SPATA16: variants seen among roughly 807,000 people sequenced by gnomAD.
SPATA16 encodes the protein spermatogenesis-associated protein 16.
In SPATA16, 36 loss-of-function variants were observed where a neutral mutation model predicts 63.3. That is an observed-to-expected ratio of 0.57 (90% CI 0.44 to 0.75). The LOEUF is 0.75. Ranked by LOEUF, SPATA16 falls within the 30% of genes least tolerant of loss-of-function variation. SPATA16 has a pLI of 0.00. For missense variants in SPATA16, 646 were observed against 679.3 expected, an observed-to-expected ratio of 0.95 and a Z score of 0.54; for synonymous variants, 203 against 216.7, an observed-to-expected ratio of 0.94 and a Z score of 0.56.
intron 6 of SPATA16, among the ~76,000 whole-genome samples, chr3:172,935,953 A>T (rs1373561344): frequency 1.3e-5 from 2 of 152,208 alleles, no homozygotes; most frequent in Non-Finnish European, 2.9e-5. Context: ...ATAACCCTAG[A>T]CTGCACAGGA....
At chr3:173,084,201 A>G (rs566045371) in intron 2 of SPATA16, among the ~76,000 whole-genome samples, 2 of 152,224 alleles carry the variant, frequency 1.3e-5, no homozygotes, top group East Asian at 3.9e-4. Context: ...TTAACTTTTT[A>G]ATAATTGTCA....
rs369095835 is a variant in SPATA16, at chr3:172,910,911, A to G, written c.1587+2750T>C. On this transcript the variant is annotated intron_variant, in intron 10 of 10. Coordinates refer to ENST00000351008, the MANE Select transcript of SPATA16 (RefSeq NM_031955.6). ...GGATGTCTTGCCAGCACCCTATGTG[A>G]ACATAGGTGCACTTTCGTGCCAGTT... Among the ~76,000 whole-genome samples, 10 of 152,302 alleles carry G rather than the reference A, an allele frequency of 6.6e-5. 1 individual carries two copies. Among genetic ancestry groups the G allele is most frequent in the South Asian group, 2.1e-4 (1 of 4,822 alleles).
rs144525786 is a variant in SPATA16, at chr3:173,139,485, A to G, written c.-19+1618T>C. Among the ~76,000 whole-genome samples, 581 of 152,338 alleles carry G rather than the reference A, an allele frequency of 3.8e-3. 1 individual carries two copies. The highest frequency in any genetic ancestry group is 5.4e-3 in the Non-Finnish European group (364 of 68,032). On this transcript the variant is annotated intron_variant, in intron 1 of 10. Transcript: ENST00000351008. ...ACATATTCTACACTAGTTGAAAGAC[A>G]ATACTCCAGGCTTTCTGATGTAAAA...
At chr3:172,907,061 C>T (rs182674441) in intron 10 of SPATA16, among the ~76,000 whole-genome samples, 26 of 152,232 alleles carry the variant, frequency 1.7e-4, no homozygotes, top group Non-Finnish European at 3.4e-4. Context: ...ATATTAACTC[C>T]TATCCTTTCG....
intron 4 of SPATA16, among the ~76,000 whole-genome samples, chr3:172,981,431 A>G (rs760996708): frequency 3.9e-5 from 6 of 152,202 alleles, no homozygotes; most frequent in Admixed American, 6.5e-5. Context: ...ATCTGGACAC[A>G]TGTTGCTTCT....
intron 10 of SPATA16, 62 bp downstream of exon 10, chr3:172,913,599 G>T: frequency 1.3e-6 from 2 of 1,517,038 alleles, no homozygotes; most frequent in South Asian, 1.1e-5. Flanking sequence ...AAACAGATTT[G>T]ACCCAAAATG....
At chr3:173,021,820 C>T (rs531579004) in intron 3 of SPATA16, among the ~76,000 whole-genome samples, 1 of 151,728 alleles carries the variant, frequency 6.6e-6, no homozygotes, top group East Asian at 1.9e-4. Context: ...CACTTATTCA[C>T]TCATGCATGT....
rs773869551 is a variant in SPATA16 at position 173,117,542 on chromosome 3, T to C, written c.190A>G (p.Lys64Glu). Residue 64 changes from lysine to glutamate, a missense_variant, in exon 2 of 11, where the codon AAA becomes GAA. Physicochemically the swap from Lys to Glu is moderately conservative, Grantham distance 56. Transcript: ENST00000351008. ...KQVEITLERTKMTKGIKEKQS... is the reference protein window; with the variant it reads ...KQVEITLERTEMTKGIKEKQS... Reference sequence around the variant, plus strand: ...TTTTCTTTGATGCCCTTTGTCATTTTTGTTCTTTCAAGTGTGATTTCTACC... The same window carrying C: ...TTTTCTTTGATGCCCTTTGTCATTTCTGTTCTTTCAAGTGTGATTTCTACC... 1 of 1,614,158 alleles carries C rather than the reference T, an allele frequency of 6.2e-7. No individual in the cohort carries two copies. Among genetic ancestry groups the C allele is most frequent in the South Asian group, 1.1e-5 (1 of 91,076 alleles).
chr3:172,969,732 C>T (rs1036641385), intron 5 of SPATA16, among the ~76,000 whole-genome samples: 3 of 152,154 alleles, frequency 2.0e-5, no homozygotes, highest in African/African-American at 7.2e-5. Flanking sequence ...AACGTCATCT[C>T]CACCCCTTTG....
At chr3:172,973,525 T>C (rs1358872919) in intron 5 of SPATA16, among the ~76,000 whole-genome samples, 1 of 152,106 alleles carries the variant, frequency 6.6e-6, no homozygotes, top group African/African-American at 2.4e-5. Flanking sequence ...GTTATTCACA[T>C]TACATGAGTT....
intron 4 of SPATA16, among the ~76,000 whole-genome samples, chr3:173,006,257 T>C (rs1734943680): frequency 6.6e-6 from 1 of 152,234 alleles, no homozygotes; most frequent in South Asian, 2.1e-4. Context: ...TTATCATGTC[T>C]ATCTTCCAGT....
intron 4 of SPATA16, among the ~76,000 whole-genome samples, chr3:173,015,749 C>A (rs751139400): frequency 1.6e-4 from 24 of 152,290 alleles, no homozygotes; most frequent in Non-Finnish European, 2.9e-4. Flanking sequence ...ATAAAAGACA[C>A]CATGATACCT....
chr3:173,028,800 A>G (rs1480644816), intron 3 of SPATA16, among the ~76,000 whole-genome samples: 1 of 152,030 alleles, frequency 6.6e-6, no homozygotes, highest in Admixed American at 6.6e-5. Flanking sequence ...TTGTGCCTTC[A>G]CCATATAGTC....
At chr3:173,119,565 T>C (rs569679642) in intron 1 of SPATA16, among the ~76,000 whole-genome samples, 1 of 152,350 alleles carries the variant, frequency 6.6e-6, no homozygotes, top group African/African-American at 2.4e-5. Context: ...CTATCTTGTA[T>C]ATTAATTTGT....
chr3:173,122,490 GTTGCTATGGTTT>G, intron 1 of SPATA16, among the ~76,000 whole-genome samples: 1 of 151,768 alleles, frequency 6.6e-6, no homozygotes, highest in Non-Finnish European at 1.5e-5. Context: ...CGACATCACA[GTTGCTATGGTTT>G]TCTTTCTTTA....
intron 2 of SPATA16, among the ~76,000 whole-genome samples, chr3:173,111,156 T>G (rs2108331902): frequency 6.6e-6 from 1 of 152,320 alleles, no homozygotes; most frequent in Non-Finnish European, 1.5e-5. Context: ...TCAGTTTTTC[T>G]GCAAAATGGG....
At chr3:173,005,354 G>A (rs1350537280) in intron 4 of SPATA16, among the ~76,000 whole-genome samples, 1 of 148,198 alleles carries the variant, frequency 6.7e-6, no homozygotes, top group African/African-American at 2.5e-5. Context: ...AAAAGAAAAT[G>A]TAGAATCAGG....
chr3:173,030,495 G>A (rs1455463510), intron 3 of SPATA16, among the ~76,000 whole-genome samples: 1 of 151,934 alleles, frequency 6.6e-6, no homozygotes, highest in African/African-American at 2.4e-5. Context: ...ATCACTAATT[G>A]TTAGGGAAAT....
At chr3:173,029,406 G>GTTTTTTTTTTTTTTTTTTTTTTTTTTTT (rs57233262) in intron 3 of SPATA16, among the ~76,000 whole-genome samples, 2 of 139,852 alleles carry the variant, frequency 1.4e-5, no homozygotes, top group African/African-American at 5.5e-5. Flanking sequence ...AGTAATCAGA[G>GTTTTTTTTTTTTTTTTTTTTTTTTTTTT]TTTTTTTTTT....
Sources: gnomAD v4.1 joint callset for allele counts (sites outside exome capture counted in the v4.1 genomes callset) on GRCh38, gnomAD v4.1.1 for gene constraint, MANE v1.5 for transcripts, NCBI Gene and HGNC (gene_info 2026-07-23, HGNC 2026-07-21) for gene names.